The following CHID1 variants were observed in gnomAD, a reference collection of about 807,000 sequenced individuals.
CHID1 encodes chitinase domain containing 1.
A neutral mutation model predicts 55.4 loss-of-function variants in CHID1; 44 were observed. The ratio of observed to expected loss-of-function variants is 0.79; its 90% confidence interval spans 0.62 to 1.02. The LOEUF (loss-of-function observed/expected upper bound fraction) is 1.02, where lower values mean the gene tolerates loss of function less well. CHID1 is among the 50% of genes least tolerant of loss of function. The probability of loss-of-function intolerance (pLI) is 0.00; values close to 1 mark genes in which losing one functional copy is unlikely to be tolerated. For synonymous variants in CHID1, 216 were observed against 212.9 expected (o/e 1.01, Z -0.13); for missense variants, 491 against 515.3 (o/e 0.95, Z 0.46).
chr11:889,570 C>A (rs1177719770), intron 8 of CHID1, among the ~76,000 whole-genome samples: 1 of 152,170 alleles, frequency 6.6e-6, no homozygotes, highest in African/African-American at 2.4e-5. Context: ...AGTCTCTGAC[C>A]TCCATTCAGC....
chr11:870,125 A>T lies in CHID1; in HGVS notation c.1079T>A (p.Leu360Gln). The change falls in exon 12 of 13, where the codon CTG becomes CAG. Residue 360 changes from leucine (L) to glutamine (Q), a missense_variant. Transcript: ENST00000323578. ...CACGGCTGGCAGCACACGCACCTTCAGGGTTGGGTAGAAGACGACGTGCCT... is the reference window on the plus strand; with the variant it reads ...CACGGCTGGCAGCACACGCACCTTCTGGGTTGGGTAGAAGACGACGTGCCT... ...SGRHVVFYPT[L>Q]KSLQVRLELA... 1 of 1,612,902 alleles carries T rather than the reference A, an allele frequency of 6.2e-7. No homozygotes were observed. The highest frequency in any genetic ancestry group is 1.3e-5 in the African/African-American group (1 of 75,010).
intron 10 of CHID1, among the ~76,000 whole-genome samples, chr11:876,883 C>T (rs993317082): frequency 2.0e-5 from 3 of 152,292 alleles, no homozygotes; most frequent in South Asian, 2.1e-4. Context: ...GACGTGGGGA[C>T]GGGCACTCTA....
intron 7 of CHID1, among the ~76,000 whole-genome samples, chr11:895,675 T>C (rs1314444080): frequency 6.6e-6 from 1 of 152,124 alleles, no homozygotes; most frequent in Admixed American, 6.5e-5. Context: ...AAGCTGCCCC[T>C]GAGCCTCTGT....
rs114934309 is a variant in CHID1 at position 889,717 on chromosome 11, C to T, written c.701+3710G>A. ...ACAGCAGCCCTGAGGGAATGCCAGT[C>T]CCCAACCCTAACAGAGATGGTGGCA... On this transcript the variant is annotated intron_variant, in intron 8 of 12. Coordinates refer to ENST00000323578, the MANE Select transcript of CHID1 (RefSeq NM_023947.4). Among the ~76,000 whole-genome samples, 454 of 152,262 alleles carry T rather than the reference C, an allele frequency of 3.0e-3. 3 individuals are homozygous for T. Among genetic ancestry groups the T allele is most frequent in the African/African-American group, 0.011 (444 of 41,554 alleles).
Position 899,987 on chromosome 11 carries a change from C to A in CHID1, c.546+17G>T. ...GGGGGGCTGTGCTCAGAGGCTGGAG[C>A]AGCACACAGGTCTCACCTTTGCCAC... On this transcript the variant is annotated intron_variant, in intron 6 of 12. Transcript: ENST00000323578. 6.3e-7 allele frequency: 1 copy of A among 1,589,608 alleles called. No individual in the cohort carries two copies. The highest frequency in any genetic ancestry group is 8.6e-7 in the Non-Finnish European group (1 of 1,158,302).
rs900025711 is a variant in CHID1, at chr11:869,635, G to A, written c.*223C>T. 3.8e-5 allele frequency: 22 copies of A among 585,458 alleles called. No individual in the cohort carries two copies. Among genetic ancestry groups the A allele is most frequent in the African/African-American group, 3.2e-4 (17 of 53,470 alleles). 36.3% of individuals were successfully genotyped at this position (585,458 alleles called of 1,614,324 possible). On this transcript the variant is annotated 3_prime_UTR_variant, in exon 13 of 13. Transcript: ENST00000323578. ...GACAGGAGGCAGCCAGCGGATGCCC[G>A]GGTGGGAGGGGCTCGAGCTCTCAGG...
At chr11:870,057 A>G (rs1849059829) in intron 12 of CHID1, 64 bp downstream of exon 12, 4 of 1,608,044 alleles carry the variant, frequency 2.5e-6, no homozygotes, top group South Asian at 2.2e-5. Flanking sequence ...ACCCCAGGCC[A>G]GTGCCTGCTG....
At chr11:883,426 T>A in intron 9 of CHID1, 123 bp from the exon 10 acceptor site, 1 of 1,047,878 alleles carries the variant, frequency 9.5e-7, no homozygotes. Flanking sequence ...TAGAGAGTTG[T>A]AAAGAACAGA....
chr11:900,321 G>C (rs1470677543), intron 5 of CHID1, among the ~76,000 whole-genome samples: 1 of 152,172 alleles, frequency 6.6e-6, no homozygotes, highest in African/African-American at 2.4e-5. Flanking sequence ...TGGGGAAGGA[G>C]CGAGCAGACA....
intron 7 of CHID1, among the ~76,000 whole-genome samples, chr11:895,409 G>C (rs1399103326): frequency 6.6e-6 from 1 of 152,154 alleles, no homozygotes; most frequent in African/African-American, 2.4e-5. Context: ...TGTGAGTCAG[G>C]TCTACCCAGG....
At chr11:873,275 C>T (rs991107441) in intron 10 of CHID1, among the ~76,000 whole-genome samples, 5 of 152,048 alleles carry the variant, frequency 3.3e-5, no homozygotes, top group African/African-American at 1.2e-4. Context: ...CCTCAGAGGG[C>T]CGCAGACACA....
At chr11:886,381 C>G (rs910470721) in intron 8 of CHID1, among the ~76,000 whole-genome samples, 3 of 150,194 alleles carry the variant, frequency 2.0e-5, no homozygotes, top group African/African-American at 7.4e-5. Context: ...ATGGCTTGAG[C>G]CCAGGAGGTG....
chr11:904,614 C>T (rs1441645568), intron 2 of CHID1, 92 bp downstream of exon 2: 2 of 1,496,918 alleles, frequency 1.3e-6, no homozygotes, highest in Admixed American at 1.8e-5. Context: ...CCTCGAGCCT[C>T]CTGGCTCACA....
In CHID1 at chr11:875,234, T is replaced by C. The variant is rs1362079758; in HGVS notation, c.960-4735A>G. On this transcript the variant is annotated intron_variant, in intron 10 of 12. Coordinates refer to ENST00000323578, the MANE Select transcript of CHID1 (RefSeq NM_023947.4). The surrounding 1 kb of genome is among the most constrained non-coding windows in gnomAD (Gnocchi z 4.7). Reference sequence around the variant, plus strand: ...GTGCTCCTATCTTCACAGGTTTCAGTTGCCTCTCAGAGCTTGAGTTCAACC... The same window carrying C: ...GTGCTCCTATCTTCACAGGTTTCAGCTGCCTCTCAGAGCTTGAGTTCAACC... Among the ~76,000 whole-genome samples the C allele has an allele frequency of 6.6e-6, 1 of 152,218 alleles. No homozygotes were observed. Among genetic ancestry groups the C allele is most frequent in the Non-Finnish European group, 1.5e-5 (1 of 68,026 alleles).
chr11:882,122 C>G (rs909146661), intron 10 of CHID1, among the ~76,000 whole-genome samples: 6 of 152,028 alleles, frequency 3.9e-5, no homozygotes, highest in Non-Finnish European at 8.8e-5. Flanking sequence ...GTCAGGAGAT[C>G]GAGACCATCC....
chr11:870,989 CTTTT>C (rs57877062), intron 10 of CHID1, among the ~76,000 whole-genome samples: 12 of 91,972 alleles, frequency 1.3e-4, no homozygotes, highest in African/African-American at 2.5e-4. Context: ...GTTTCTGCAC[CTTTT>C]TTTTTTTTTT....
At chr11:893,376 C>T (rs536893527) in intron 8 of CHID1, 51 bp downstream of exon 8, 28 of 1,473,002 alleles carry the variant, frequency 1.9e-5, no homozygotes, top group South Asian at 1.8e-4. Context: ...TGGCTGCCCC[C>T]GACCCCAGAG....
chr11:913,063 A>G (rs1852783743), upstream of CHID1, among the ~76,000 whole-genome samples: 1 of 152,022 alleles, frequency 6.6e-6, no homozygotes, highest in Non-Finnish European at 1.5e-5. Context: ...GAATCTGTTA[A>G]GTTGTATGAG....
At chr11:911,010 T>G, upstream of CHID1, 1 of 160,556 alleles carries the variant, frequency 6.2e-6, no homozygotes, top group Non-Finnish European at 1.3e-5. Flanking sequence ...CGCGTTCACC[T>G]TGAGCGCCCC....
Sources: allele counts gnomAD v4.1 joint callset (sites outside exome capture counted in the v4.1 genomes callset), GRCh38; gene constraint gnomAD v4.1.1; non-coding constraint Gnocchi (gnomAD v3.1); transcripts MANE v1.5; gene names NCBI Gene and HGNC (gene_info 2026-07-23, HGNC 2026-07-21).